The following TRIM9 variants were observed in gnomAD, a reference collection of about 807,000 sequenced individuals.
The protein encoded by TRIM9 is E3 ubiquitin-protein ligase TRIM9.
Under a neutral mutation model 78.3 loss-of-function variants are expected in TRIM9, and 26 were observed. That is an observed-to-expected ratio of 0.33 (90% CI 0.24 to 0.46). TRIM9 has a LOEUF of 0.46. TRIM9 is among the 20% of genes least tolerant of loss of function. The pLI is 1.00. For missense variants in TRIM9, 787 were observed against 1,036.4 expected (o/e 0.76, Z 3.30); for synonymous variants, 398 against 416.5 (o/e 0.96, Z 0.54).
intron 1 of TRIM9, among the ~76,000 whole-genome samples, chr14:51,071,317 G>A (rs1192882878): frequency 6.7e-6 from 1 of 149,428 alleles, no homozygotes; most frequent in African/African-American, 2.5e-5. Flanking sequence ...TGGAGGTTGT[G>A]CTGAGCCGAG....
intron 10 of TRIM9, chr14:50,982,689 A>C (rs754265334): frequency 4.1e-5 from 20 of 492,268 alleles, no homozygotes; most frequent in Non-Finnish European, 6.6e-5. Flanking sequence ...TGCTGTCTGC[A>C]TAACTTAAAA....
rs200221592 is a variant in TRIM9 at position 50,981,938 on chromosome 14, T to A, written c.2024A>T (p.Asn675Ile). ...YWELTVDRYDNHPDPAFGVAR... is the reference protein window; with the variant it reads ...YWELTVDRYDIHPDPAFGVAR... The stretch of plus-strand genomic sequence containing the variant: ...CACACCAAAGGCAGGATCAGGGTGG[T>A]TGTCATAGCGATCTACCGTGAGCTC... Residue 675 changes from asparagine to isoleucine, a missense_variant, in exon 11 of 13, where the codon AAC (asparagine) becomes ATC (isoleucine). By Grantham distance (149) the Asn-to-Ile change is moderately radical. Around this residue, in one of 3 missense-constraint regions of TRIM9, gnomAD observed 421 missense variants for 514.3 expected, o/e 0.82. Coordinates refer to ENST00000684578, the MANE Select transcript of TRIM9 (RefSeq NM_001387360.1). 6.2e-7 allele frequency: 1 copy of A among 1,614,128 alleles called. No homozygotes were observed. Among genetic ancestry groups the A allele is most frequent in the South Asian group, 1.1e-5 (1 of 91,076 alleles).
At chr14:51,055,494 C>T (rs539699483) in intron 1 of TRIM9, among the ~76,000 whole-genome samples, 1 of 152,248 alleles carries the variant, frequency 6.6e-6, no homozygotes, top group African/African-American at 2.4e-5. Flanking sequence ...AATGTAATCA[C>T]AAGTCTCTTA....
intron 12 of TRIM9, 178 bp downstream of exon 12, chr14:50,979,209 T>G (rs763986949): frequency 4.5e-5 from 66 of 1,459,104 alleles, no homozygotes; most frequent in Non-Finnish European, 5.8e-5. Flanking sequence ...GTGCTTATGC[T>G]TGGCGTGGAA....
intron 6 of TRIM9, 42 bp from the exon 7 acceptor site, chr14:50,998,230 C>A (rs375989243): frequency 6.4e-5 from 102 of 1,590,374 alleles, no homozygotes; most frequent in Middle Eastern, 3.3e-4. Flanking sequence ...AGCCTGCCCC[C>A]TTCTGAGGGG....
At chr14:50,979,720 A>T (rs2051582779) in intron 11 of TRIM9, among the ~76,000 whole-genome samples, 171 bp from the exon 12 acceptor site, 1 of 152,182 alleles carries the variant, frequency 6.6e-6, no homozygotes, top group Non-Finnish European at 1.5e-5. Context: ...GATATACTGT[A>T]TACCTGTTGG....
rs1415563787 is a variant in TRIM9, at chr14:50,998,186, C to T, written c.1467G>A (p.Glu489=). ...ACATTGTCTCCTTCCCCACATACAC[C>T]TCCTGAGAGTCAGCAAAGAACAGGA... ...LDDGNGGQFR[E]VYVGKETMCT... The change falls in exon 7 of 13, where the codon GAG becomes GAA. Residue 489 remains glutamate (E), a splice_region_variant and synonymous_variant. Coordinates refer to ENST00000684578, the MANE Select transcript of TRIM9 (RefSeq NM_001387360.1). 1 of 1,614,136 alleles carries T rather than the reference C, an allele frequency of 6.2e-7. No individual in the cohort carries two copies. Among genetic ancestry groups the T allele is most frequent in the South Asian group, 1.1e-5 (1 of 91,072 alleles).
chr14:51,023,729 T>C (rs1392887266), intron 2 of TRIM9, among the ~76,000 whole-genome samples: 1 of 152,204 alleles, frequency 6.6e-6, no homozygotes, highest in African/African-American at 2.4e-5. Context: ...AGCTTTTCAA[T>C]GAGTAATATA....
Position 51,012,546 on chromosome 14 carries a change from C to T in TRIM9, c.1042-2052G>A, listed in dbSNP as rs144473167. Among the ~76,000 whole-genome samples the T allele has an allele frequency of 1.4e-4, 22 of 152,238 alleles. 1 individual carries two copies. The East Asian group carries it at 3.1e-3, about 21-fold the overall frequency. On this transcript the variant is annotated intron_variant, in intron 3 of 12. Transcript: ENST00000684578. ...GTGTACAAATATCTTTGTAAGTCTC[C>T]GCTTTCACTTCTTTGGGGTATTATA...
rs1199810032 is a variant in TRIM9 at position 50,981,880 on chromosome 14, T to C, written c.2082A>G (p.Leu694=). Residue 694 remains leucine (L), a synonymous_variant, in exon 11 of 13, where the codon TTA becomes TTG. Coordinates refer to ENST00000684578, the MANE Select transcript of TRIM9 (RefSeq NM_001387360.1). ...TTGCCCAAGCTTTGTCGTCTTTTCC[T>C]AACATCACATCCTTCATCACGTCCA... ...ARMDVMKDVM[L]GKDDKAWAMY... 3.7e-6 allele frequency: 6 copies of C among 1,614,100 alleles called. No homozygotes were observed. Among genetic ancestry groups the C allele is most frequent in the Admixed American group, 1.7e-5 (1 of 60,010 alleles).
At chr14:51,046,350 G>A (rs1392460616) in intron 1 of TRIM9, among the ~76,000 whole-genome samples, 1 of 152,188 alleles carries the variant, frequency 6.6e-6, no homozygotes, top group East Asian at 1.9e-4. Flanking sequence ...ATGGGTACAA[G>A]GAAGATTGGG....
At chr14:51,071,713 G>A (rs2062284599) in intron 1 of TRIM9, among the ~76,000 whole-genome samples, 1 of 152,224 alleles carries the variant, frequency 6.6e-6, no homozygotes, top group African/African-American at 2.4e-5. Context: ...GGCTGAGGTG[G>A]GAGGATTGCT....
intron 3 of TRIM9, among the ~76,000 whole-genome samples, chr14:51,022,271 G>A (rs2139767746): frequency 6.6e-6 from 1 of 152,274 alleles, no homozygotes; most frequent in Non-Finnish European, 1.5e-5. Flanking sequence ...TTGGGAGTGG[G>A]TTAATTATCA....
intron 6 of TRIM9, 34 bp downstream of exon 6, chr14:51,000,649 G>T (rs1446327346): frequency 6.2e-7 from 1 of 1,612,046 alleles, no homozygotes. Flanking sequence ...TCACTGCTTT[G>T]GGTTAACAAG....
Position 51,078,391 on chromosome 14 carries a change from A to C in TRIM9, c.822+15727T>G, listed in dbSNP as rs564492840. Among the ~76,000 whole-genome samples, 7 of 152,350 alleles carry C rather than the reference A, an allele frequency of 4.6e-5. No individual in the cohort carries two copies. In the East Asian group the frequency reaches 1.3e-3, roughly 29 times the overall value. ...ATATATGAATTAAATAATTTCTCTA[A>C]AAACACTCTTGGATTCACGATAGCC... On this transcript the variant is annotated intron_variant, in intron 1 of 12. Transcript: ENST00000684578.
intron 1 of TRIM9, among the ~76,000 whole-genome samples, chr14:51,043,324 GC>G (rs2059704181): frequency 6.6e-6 from 1 of 152,226 alleles, no homozygotes; most frequent in South Asian, 2.1e-4. Context: ...GCTGAGACAT[GC>G]AGCCGGAGGA....
Position 51,013,648 on chromosome 14 carries a change from A to C in TRIM9, c.1042-3154T>G, listed in dbSNP as rs551564732. 4.6e-5 allele frequency among the ~76,000 whole-genome samples: 7 copies of C among 152,192 alleles called. No individual in the cohort carries two copies. In the South Asian group the frequency reaches 1.2e-3, roughly 27 times the overall value. On this transcript the variant is annotated intron_variant, in intron 3 of 12. Coordinates refer to ENST00000684578, the MANE Select transcript of TRIM9 (RefSeq NM_001387360.1). ...CTCTGATGGAAAGATTATTTTTGTG[A>C]GTTTTGGGGGGATCAAATTTAAAAT...
intron 1 of TRIM9, among the ~76,000 whole-genome samples, chr14:51,076,219 T>C (rs976451641): frequency 1.3e-5 from 2 of 152,156 alleles, no homozygotes; most frequent in Non-Finnish European, 2.9e-5. Flanking sequence ...GAAGTTGAGA[T>C]TTTCAGGCTC....
chr14:51,059,572 G>A (rs948605881), intron 1 of TRIM9, among the ~76,000 whole-genome samples: 6 of 152,164 alleles, frequency 3.9e-5, no homozygotes, highest in Non-Finnish European at 8.8e-5. Context: ...GGCTGAGGCA[G>A]GTGGATCACG....
Sources: gnomAD v4.1 joint callset for allele counts (sites outside exome capture counted in the v4.1 genomes callset) on GRCh38, gnomAD v4.1.1 for gene constraint, gnomAD v4.1.1 regional missense constraint, MANE v1.5 for transcripts, NCBI Gene and HGNC (gene_info 2026-07-23, HGNC 2026-07-21) for gene names.